The following MYO16 variants were observed in gnomAD, a reference collection of about 807,000 sequenced individuals.
MYO16 encodes the protein myosin XVI, also known as unconventional myosin-XVI.
Under a neutral mutation model 205.3 loss-of-function variants are expected in MYO16, and 94 were observed. The ratio of observed to expected loss-of-function variants is 0.46; its 90% CI spans 0.39 to 0.54. MYO16 has a LOEUF of 0.54. Ranked by LOEUF, MYO16 falls within the 20% of genes least tolerant of loss-of-function variation. The pLI, the probability that MYO16 is intolerant of heterozygous loss-of-function variation, is 0.00. For missense variants in MYO16, 2,315 were observed against 2,387.5 expected, an observed-to-expected ratio of 0.97 and a Z score of 0.63; for synonymous variants, 988 against 954.0, an observed-to-expected ratio of 1.04 and a Z score of -0.66.
At chr13:108,937,475 T>C (rs1221836841) in intron 16 of MYO16, among the ~76,000 whole-genome samples, 1 of 152,238 alleles carries the variant, frequency 6.6e-6, no homozygotes. Flanking sequence ...ACTTGTTTAC[T>C]TTATATTCTT....
chr13:108,935,031 A>C (rs956506409), intron 16 of MYO16, among the ~76,000 whole-genome samples: 7 of 152,112 alleles, frequency 4.6e-5, no homozygotes, highest in Non-Finnish European at 1.0e-4. Flanking sequence ...CTAGCCTTAG[A>C]GTATAGTATG....
rs541120067 is a variant in MYO16 at position 108,683,414 on chromosome 13, C to CA, written c.292+17273dup. Among the ~76,000 whole-genome samples the CA allele has an allele frequency of 6.6e-5, 10 of 151,008 alleles. No individual in the cohort carries two copies. The South Asian group carries it at 8.4e-4, about 13-fold the overall frequency. On this transcript the variant is annotated intron_variant, in intron 2 of 34. Coordinates refer to ENST00000457511, the MANE Select transcript of MYO16 (RefSeq NM_001198950.3). The stretch of plus-strand genomic sequence containing the variant: ...ATTACTGATTAATTTAGCAATTTGC[C>CA]AAAAAAAAGAAAGAAAGAAAGAAAA...
chr13:108,874,685 T>C (rs910811646), intron 12 of MYO16, among the ~76,000 whole-genome samples: 1 of 126,052 alleles, frequency 7.9e-6, no homozygotes, highest in African/African-American at 2.7e-5. Context: ...GGCAGACAGT[T>C]TCATCATCAT....
chr13:108,703,623 A>C (rs1883391208), intron 2 of MYO16, among the ~76,000 whole-genome samples: 1 of 152,208 alleles, frequency 6.6e-6, no homozygotes, highest in South Asian at 2.1e-4. Context: ...GGTGCATGAA[A>C]CATTCTCCAG....
At chr13:109,149,049 T>C (rs187437443) in intron 32 of MYO16, among the ~76,000 whole-genome samples, 1 of 152,318 alleles carries the variant, frequency 6.6e-6, no homozygotes, top group East Asian at 1.9e-4. Context: ...GCTTTGTACC[T>C]GGAAGCTCCT....
chr13:108,509,167 G>A, the MYO16 span, among the ~76,000 whole-genome samples: 5 of 152,188 alleles, frequency 3.3e-5, no homozygotes, highest in African/African-American at 1.2e-4. Flanking sequence ...CCTTCAGGGA[G>A]TAATATAAGT....
intron 25 of MYO16, 144 bp from the exon 26 acceptor site, chr13:109,054,902 C>T: frequency 5.6e-6 from 3 of 531,916 alleles, no homozygotes; most frequent in Non-Finnish European, 9.9e-6. Flanking sequence ...CTTTCTTCCT[C>T]CTTCTTTTCT....
intron 27 of MYO16, among the ~76,000 whole-genome samples, chr13:109,094,083 C>G (rs890062151): frequency 4.6e-5 from 7 of 152,198 alleles, no homozygotes; most frequent in South Asian, 2.1e-4. Context: ...GCACCACCCC[C>G]ACTCCACCGG....
At chr13:108,713,219 G>A (rs1401106876) in intron 3 of MYO16, among the ~76,000 whole-genome samples, 1 of 152,018 alleles carries the variant, frequency 6.6e-6, no homozygotes, top group Non-Finnish European at 1.5e-5. Context: ...TATTAGATTC[G>A]TGTGCAAGAA....
intron 29 of MYO16, among the ~76,000 whole-genome samples, chr13:109,123,420 A>T (rs1015210357): frequency 6.6e-6 from 1 of 151,754 alleles, no homozygotes; most frequent in Non-Finnish European, 1.5e-5. Context: ...TCTCTCTTTC[A>T]CCCTTCCGAA....
intron 20 of MYO16, among the ~76,000 whole-genome samples, chr13:108,977,600 A>G (rs966206173): frequency 6.6e-6 from 1 of 152,042 alleles, no homozygotes; most frequent in Non-Finnish European, 1.5e-5. Flanking sequence ...TTTAAAAAAA[A>G]CCTTTAAATT....
At chr13:109,092,403 A>G (rs1888651822) in intron 27 of MYO16, among the ~76,000 whole-genome samples, 1 of 152,248 alleles carries the variant, frequency 6.6e-6, no homozygotes. Context: ...ATGCAGCCAT[A>G]AAAAAGAATG....
At chr13:108,848,158 G>T (rs9521070) in intron 10 of MYO16, among the ~76,000 whole-genome samples, 32,491 of 151,908 alleles carry the variant, frequency 0.21, 3,587 homozygotes, top group South Asian at 0.29. Flanking sequence ...TGTATTATTT[G>T]TACTATCATT....
chr13:108,757,559 A>G (rs759528695), intron 4 of MYO16, among the ~76,000 whole-genome samples: 1 of 152,064 alleles, frequency 6.6e-6, no homozygotes, highest in Non-Finnish European at 1.5e-5. Context: ...TACATGTGCC[A>G]TGTTGGTGTG....
the MYO16 span, among the ~76,000 whole-genome samples, chr13:108,577,438 C>T: frequency 6.6e-5 from 10 of 152,212 alleles, no homozygotes; most frequent in South Asian, 2.1e-4. Flanking sequence ...GCTCCAGCAC[C>T]GGGCACCAGC....
chr13:109,027,571 C>T (rs1166107581), intron 23 of MYO16, among the ~76,000 whole-genome samples: 1 of 151,840 alleles, frequency 6.6e-6, no homozygotes, highest in African/African-American at 2.4e-5. Flanking sequence ...CTGCCTGGGG[C>T]CCAGCTGGCC....
intron 27 of MYO16, among the ~76,000 whole-genome samples, chr13:109,062,804 A>T (rs1184940477): frequency 6.6e-6 from 1 of 152,096 alleles, no homozygotes; most frequent in Non-Finnish European, 1.5e-5. Flanking sequence ...AAACATCATT[A>T]TAAAAAACAA....
chr13:108,799,389 G>A (rs1555299948), intron 6 of MYO16, among the ~76,000 whole-genome samples: 1 of 152,168 alleles, frequency 6.6e-6, no homozygotes, highest in Non-Finnish European at 1.5e-5. Context: ...AATATTAAAA[G>A]TAAATGTGTG....
intron 23 of MYO16, among the ~76,000 whole-genome samples, chr13:109,026,438 G>C (rs1416793575): frequency 6.6e-6 from 1 of 152,114 alleles, no homozygotes. Flanking sequence ...GAAGAGGCAG[G>C]AAGGATCCAC....
Sources: allele counts gnomAD v4.1 joint callset (sites outside exome capture counted in the v4.1 genomes callset), GRCh38; gene constraint gnomAD v4.1.1; transcripts MANE v1.5; gene names NCBI Gene and HGNC (gene_info 2026-07-23, HGNC 2026-07-21).